Variants in BICRA observed in about 807,000 individuals in gnomAD.
BICRA encodes BRD4 interacting chromatin remodeling complex associated protein.
In BICRA, 31 loss-of-function variants were observed where a neutral mutation model predicts 96.9. That is an observed-to-expected ratio of 0.32 (90% CI 0.24 to 0.43). BICRA has a LOEUF of 0.43. Ranked by LOEUF, BICRA falls within the 20% of genes least tolerant of loss-of-function variation. The pLI, the probability that BICRA is intolerant of heterozygous loss-of-function variation, is 1.00. For missense variants in BICRA, 2,283 were observed against 2,190.3 expected, an observed-to-expected ratio of 1.04 and a Z score of -0.84; for synonymous variants, 1,350 against 1,071.8, an observed-to-expected ratio of 1.26 and a Z score of -5.07.
intron 1 of BICRA, among the ~76,000 whole-genome samples, chr19:47,657,226 G>T (rs1972632318): frequency 6.6e-6 from 1 of 152,006 alleles, no homozygotes; most frequent in African/African-American, 2.4e-5. Context: ...GGCTTCCTTT[G>T]CTCAGCATGA....
At chr19:47,638,262 C>T (rs1366373254) in intron 1 of BICRA, among the ~76,000 whole-genome samples, 1 of 152,214 alleles carries the variant, frequency 6.6e-6, no homozygotes, top group Non-Finnish European at 1.5e-5. Flanking sequence ...CTGCCCTGAA[C>T]ACTGGCCCCA....
chr19:47,681,227 C>A lies in BICRA; in HGVS notation c.2057C>A (p.Thr686Asn). The A allele has an allele frequency of 1.3e-6, 2 of 1,536,532 alleles. No homozygotes were observed. The highest frequency in any genetic ancestry group is 2.0e-5 in the Admixed American group (1 of 51,130). Residue 686 changes from threonine (T) to asparagine (N), a missense_variant, in exon 6 of 15, where the codon ACC (threonine) becomes AAC (asparagine). Transcript: ENST00000594866. ...GTCCTGGGGCAGCCGCCCTCTGCCA[C>A]CCCCACGGCCATCCTCACTCAGGAC... Reference protein sequence around the residue: ...KIVLGQPPSATPTAILTQDSL... With the variant: ...KIVLGQPPSANPTAILTQDSL...
At position 47,694,639 on chromosome 19, in the gene BICRA, C is replaced by A. The variant is rs201394548; in HGVS notation, c.2808C>A (p.Pro936=). The A allele has an allele frequency of 2.2e-5, 35 of 1,576,672 alleles. No individual in the cohort carries two copies. The highest frequency in any genetic ancestry group is 1.3e-4 in the East Asian group (6 of 44,520). The change falls in exon 8 of 15, where the codon CCC becomes CCA. Residue 936 remains proline, a synonymous_variant. Transcript: ENST00000594866. The stretch of plus-strand genomic sequence containing the variant: ...TGGTCCCTGAGCCGGCAGCACCCCC[C>A]CCACCGCCTCCTCGGACCTTCCAGA... ...LHLVPEPAAP[P]PPPPRTFQMV...
chr19:47,685,961 T>C (rs1479213450), intron 7 of BICRA, among the ~76,000 whole-genome samples: 4 of 151,824 alleles, frequency 2.6e-5, no homozygotes, highest in Non-Finnish European at 2.9e-5. Flanking sequence ...TTTTTTTTTT[T>C]TCTCTGTCAC....
intron 7 of BICRA, among the ~76,000 whole-genome samples, chr19:47,685,741 CTGTGTGTGTGTGTGTGTGTGTGTGTG>C (rs3074109): frequency 1.7e-5 from 2 of 115,496 alleles, no homozygotes; most frequent in South Asian, 3.2e-4. Flanking sequence ...TTGGCAGCCT[CTGTGTGTGTGTGTGTGTGTGTGTGTG>C]TGTGTGTGTG....
intron 1 of BICRA, among the ~76,000 whole-genome samples, chr19:47,624,567 C>G (rs73943824): frequency 0.033 from 5,093 of 152,160 alleles, 248 homozygotes; most frequent in African/African-American, 0.11. Flanking sequence ...GAGCTTGTGA[C>G]TGGGAAAATG....
chr19:47,688,467 A>G (rs1197540716), intron 7 of BICRA, among the ~76,000 whole-genome samples: 1 of 152,084 alleles, frequency 6.6e-6, no homozygotes, highest in Non-Finnish European at 1.5e-5. Flanking sequence ...GTCACATGTA[A>G]TACCACTGTG....
In BICRA at chr19:47,698,899, C is replaced by G. The variant is rs1174835330; in HGVS notation, c.3398-66C>G. ...TGCGCTATGCTGACCCTGCCCCGCC[C>G]TCCTTCCTGCGCATCCGCGGCCGCC... On this transcript the variant is annotated intron_variant, in intron 12 of 14. Transcript: ENST00000594866. The surrounding 1 kb of genome is among the most constrained non-coding windows in gnomAD (Gnocchi z 4.8). 7.2e-7 allele frequency: 1 copy of G among 1,386,274 alleles called. No homozygotes were observed. The highest frequency in any genetic ancestry group is 1.0e-6 in the Non-Finnish European group (1 of 995,680). The allele number at this position is 1,386,274 out of a possible 1,614,324, so 85.9% of individuals were successfully genotyped here.
Position 47,680,352 on chromosome 19 carries a change from G to T in BICRA, c.1182G>T (p.Pro394=), listed in dbSNP as rs761120121. The T allele has an allele frequency of 3.9e-6, 6 of 1,532,636 alleles. No homozygotes were observed. The Admixed American group carries it at 1.2e-4, about 30-fold the overall frequency. The allele number at this position is 1,532,636 out of a possible 1,614,324, so 94.9% of individuals were successfully genotyped here. A position where few individuals can be genotyped will look rare whatever the true frequency, so the allele number is the denominator to read the frequency against. ...CGCTCCCGCAGCAGCCCAAGGCCCC[G>T]CAGAACCTGACGTTCATGGCGGCGG... is the stretch of plus-strand genomic sequence containing the variant. ...PGALPQQPKA[P]QNLTFMAAGK... The change falls in exon 6 of 15, where the codon CCG becomes CCT. Residue 394 remains proline, a synonymous_variant. Transcript: ENST00000594866.
rs1292175413 is a variant in BICRA at position 47,681,158 on chromosome 19, C to A, written c.1988C>A (p.Thr663Asn). Residue 663 changes from threonine to asparagine, a missense_variant, in exon 6 of 15, where the codon ACC becomes AAC. By Grantham distance (65) the Thr-to-Asn change is moderately conservative (BLOSUM62 0). Transcript: ENST00000594866. ...GCCGCCGCCCCGCCTCAGGCCACCA[C>A]CCCCCAGCCCAGCCCTGGCCTGGCG... ...PQAAAPPQAT[T>N]PQPSPGLASS... is the part of the protein sequence containing the mutation. The A allele has an allele frequency of 2.0e-6, 3 of 1,508,742 alleles. No homozygotes were observed. The highest frequency in any genetic ancestry group is 2.0e-5 in the Admixed American group (1 of 50,692). The allele number at this position is 1,508,742 out of a possible 1,614,324, so 93.5% of individuals were successfully genotyped here.
chr19:47,628,187 A>G (rs530092770), intron 1 of BICRA, among the ~76,000 whole-genome samples: 1 of 152,248 alleles, frequency 6.6e-6, no homozygotes, highest in East Asian at 1.9e-4. Flanking sequence ...TATTATTACT[A>G]ACCCCTCTTC....
At chr19:47,640,220 G>A (rs953024166) in intron 1 of BICRA, among the ~76,000 whole-genome samples, 6 of 152,184 alleles carry the variant, frequency 3.9e-5, no homozygotes, top group South Asian at 2.1e-4. Context: ...TTGGGAGTGG[G>A]GATGTGACAT....
At chr19:47,631,926 G>A (rs1300309006) in intron 1 of BICRA, among the ~76,000 whole-genome samples, 1 of 152,228 alleles carries the variant, frequency 6.6e-6, no homozygotes, top group Non-Finnish European at 1.5e-5. Flanking sequence ...TGGGATTAGA[G>A]GCATGAGCTA....
chr19:47,637,798 C>T (rs139722578), intron 1 of BICRA, among the ~76,000 whole-genome samples: 3 of 152,238 alleles, frequency 2.0e-5, no homozygotes, highest in African/African-American at 7.2e-5. Flanking sequence ...GTACACTAGC[C>T]GATCTTTTTG....
chr19:47,676,042 T>C (rs1315517123), intron 5 of BICRA, 126 bp downstream of exon 5: 1 of 324,976 alleles, frequency 3.1e-6, no homozygotes, highest in Non-Finnish European at 6.1e-6. Context: ...AGGGCGGGGG[T>C]GGGCCACCCA....
rs761952014 is a variant in BICRA, at chr19:47,680,103, G to A, written c.933G>A (p.Gly311=). ...GGAACTCTGTGTTCGGAGGCGCGGG[G>A]GCCGCCTCGGCTCCCACCGGGACGC... ...LNGNSVFGGA[G]AASAPTGTPS... Residue 311 remains glycine, a synonymous_variant, in exon 6 of 15, where the codon GGG becomes GGA. Transcript: ENST00000594866. 1.9e-6 allele frequency: 3 copies of A among 1,540,840 alleles called. 1 individual carries two copies. The South Asian group carries it at 3.6e-5, about 18-fold the overall frequency.
At chr19:47,619,513 C>T (rs1972034139) in intron 1 of BICRA, among the ~76,000 whole-genome samples, 1 of 152,124 alleles carries the variant, frequency 6.6e-6, no homozygotes, top group African/African-American at 2.4e-5. Flanking sequence ...CCTGCTTTGG[C>T]TTCCCGAAGT....
intron 1 of BICRA, among the ~76,000 whole-genome samples, chr19:47,649,044 G>A (rs62130673): frequency 0.21 from 31,247 of 151,944 alleles, 3,606 homozygotes; most frequent in Middle Eastern, 0.29. Flanking sequence ...GTACAGACGG[G>A]GTTTCACCAT....
intron 1 of BICRA, among the ~76,000 whole-genome samples, chr19:47,637,998 C>G (rs115865345): frequency 0.016 from 2,449 of 152,286 alleles, 66 homozygotes; most frequent in African/African-American, 0.056. Flanking sequence ...GTGGCTGTTT[C>G]TTTAGCCAGG....
Sources: gnomAD v4.1 joint callset for allele counts (sites outside exome capture counted in the v4.1 genomes callset) on GRCh38, gnomAD v4.1.1 for gene constraint, Gnocchi (gnomAD v3.1) non-coding constraint, MANE v1.5 for transcripts, NCBI Gene and HGNC (gene_info 2026-07-23, HGNC 2026-07-21) for gene names.